Variants in SORCS1 observed in about 807,000 individuals in gnomAD.
SORCS1 encodes VPS10 domain-containing receptor SorCS1.
SORCS1 carries 60 observed loss-of-function variants against 146.1 expected under a neutral mutation model. The ratio of observed to expected loss-of-function variants is 0.41; its 90% CI spans 0.33 to 0.51. SORCS1 has a LOEUF of 0.51. Ranked by LOEUF, SORCS1 falls within the 20% of genes least tolerant of loss-of-function variation. SORCS1 has a pLI of 0.21. For synonymous variants in SORCS1, 637 were observed against 584.0 expected (o/e 1.09, Z -1.31); for missense variants, 1,352 against 1,487.6 (o/e 0.91, Z 1.50).
chr10:106,729,381 C>T (rs1856431926), intron 6 of SORCS1, among the ~76,000 whole-genome samples: 1 of 152,086 alleles, frequency 6.6e-6, no homozygotes, highest in East Asian at 1.9e-4. Flanking sequence ...GTGAGCAATT[C>T]ACTCAACTGA....
chr10:107,164,274 G>T lies in SORCS1; in HGVS notation c.253C>A (p.Arg85=). 1 of 1,599,500 alleles carries T rather than the reference G, an allele frequency of 6.3e-7. No individual in the cohort carries two copies. ...RPLFSVAPGD[R]ALSLERARGT... ...CGAGCCCGCTCCAGGGATAGCGCTC[G>T]GTCCCCGGGGGCCACTGAGAACAGG... is the stretch of plus-strand genomic sequence containing the variant. The change falls in exon 1 of 26, where the codon CGA becomes AGA. Residue 85 remains arginine, a synonymous_variant. Coordinates refer to ENST00000263054, the MANE Select transcript of SORCS1 (RefSeq NM_052918.5). This position sits in a 1 kb window ranked among gnomAD's most constrained non-coding sequence, Gnocchi z 6.8.
At chr10:106,613,554 T>C (rs1847152107) in intron 21 of SORCS1, among the ~76,000 whole-genome samples, 1 of 152,170 alleles carries the variant, frequency 6.6e-6, no homozygotes. Flanking sequence ...AGCTTGGTGA[T>C]AAGCTTCAGA....
intron 1 of SORCS1, among the ~76,000 whole-genome samples, chr10:107,066,792 T>A (rs1303530849): frequency 6.6e-6 from 1 of 152,204 alleles, no homozygotes; most frequent in Non-Finnish European, 1.5e-5. Flanking sequence ...TTCCCAACCA[T>A]ATAAATGGAA....
intron 6 of SORCS1, among the ~76,000 whole-genome samples, chr10:106,716,006 C>T (rs542289615): frequency 9.9e-4 from 151 of 152,306 alleles, no homozygotes; most frequent in Non-Finnish European, 2.0e-3. Context: ...CTGCCTCAGC[C>T]TCCCAAAGTG....
intron 17 of SORCS1, among the ~76,000 whole-genome samples, chr10:106,663,483 T>G (rs1456692578): frequency 1.3e-5 from 2 of 152,248 alleles, no homozygotes; most frequent in Non-Finnish European, 2.9e-5. Context: ...CATACACATT[T>G]ATTTTGTAAC....
chr10:106,942,813 T>C lies in SORCS1; in HGVS notation c.626+13700A>G, dbSNP rs535601076. Among the ~76,000 whole-genome samples the C allele has an allele frequency of 6.6e-4, 100 of 152,326 alleles. 1 individual carries two copies. Among genetic ancestry groups the C allele is most frequent in the African/African-American group, 2.3e-3 (94 of 41,570 alleles). On this transcript the variant is annotated intron_variant, in intron 2 of 25. Coordinates refer to ENST00000263054, the MANE Select transcript of SORCS1 (RefSeq NM_052918.5). The stretch of plus-strand genomic sequence containing the variant: ...CACTCAATTCTCTATCAGTTCTCTA[T>C]CAGTTCTATTCTCCACTAATTTTTC...
chr10:106,597,443 T>A lies in SORCS1; in HGVS notation c.3173A>T (p.Glu1058Val). The A allele has an allele frequency of 6.2e-7, 1 of 1,613,410 alleles. No homozygotes were observed. Among genetic ancestry groups the A allele is most frequent in the Non-Finnish European group, 8.5e-7 (1 of 1,179,490 alleles). The change falls in exon 24 of 26, where the codon GAA becomes GTA. Residue 1058 changes from glutamate (E) to valine (V), a missense_variant. By Grantham distance (121) the Glu-to-Val change is moderately radical (BLOSUM62 -2). Coordinates refer to ENST00000263054, the MANE Select transcript of SORCS1 (RefSeq NM_052918.5). ...TTGGTTGAGCGTGTGGATCAGCAAT[T>A]CTGATATCTGAAAAAAGAAGCATAG... ...RSTDDLEQIS[E>V]LLIHTLNQNS... is the part of the protein sequence containing the mutation.
intron 18 of SORCS1, among the ~76,000 whole-genome samples, chr10:106,649,002 A>G (rs1849661893): frequency 1.3e-5 from 2 of 152,078 alleles, no homozygotes; most frequent in Admixed American, 1.3e-4. Context: ...TAGCTGGGGC[A>G]CTGAGTGGCC....
intron 1 of SORCS1, among the ~76,000 whole-genome samples, chr10:107,161,456 G>A (rs1271056922): frequency 1.3e-5 from 2 of 152,258 alleles, no homozygotes; most frequent in South Asian, 2.1e-4. Context: ...CCACCCTGGG[G>A]TAAAGTGAAG....
chr10:106,825,258 T>C (rs1358339879), intron 3 of SORCS1, among the ~76,000 whole-genome samples: 2 of 148,644 alleles, frequency 1.3e-5, no homozygotes, highest in Non-Finnish European at 3.0e-5. Context: ...AGAGTGAAAT[T>C]GAGATTTCAA....
chr10:106,947,392 G>A (rs1477828213), intron 2 of SORCS1, among the ~76,000 whole-genome samples: 3 of 151,948 alleles, frequency 2.0e-5, no homozygotes, highest in Admixed American at 1.3e-4. Context: ...AACAACTCTT[G>A]ACGAAATGAA....
intron 3 of SORCS1, among the ~76,000 whole-genome samples, chr10:106,807,754 C>T (rs1947259325): frequency 6.6e-6 from 1 of 152,250 alleles, no homozygotes; most frequent in African/African-American, 2.4e-5. Context: ...AGCTAAGCTC[C>T]AACTATGTTT....
chr10:106,603,385 C>T (rs777617260), intron 23 of SORCS1, among the ~76,000 whole-genome samples: 22 of 152,328 alleles, frequency 1.4e-4, no homozygotes, highest in Non-Finnish European at 7.3e-5. Context: ...AGAGGTCACT[C>T]GATTAACCCA....
intron 19 of SORCS1, among the ~76,000 whole-genome samples, chr10:106,621,855 G>C (rs1847768261): frequency 6.6e-6 from 1 of 152,080 alleles, no homozygotes; most frequent in Non-Finnish European, 1.5e-5. Context: ...CATACTCTAA[G>C]CACGTTCTCA....
chr10:106,701,635 C>G (rs1006645935), intron 8 of SORCS1, among the ~76,000 whole-genome samples: 4 of 152,146 alleles, frequency 2.6e-5, no homozygotes, highest in African/African-American at 9.7e-5. Flanking sequence ...TTTTTTTGGT[C>G]CCTAAATGTG....
chr10:106,788,175 C>T (rs145686938), intron 3 of SORCS1, among the ~76,000 whole-genome samples: 263 of 152,252 alleles, frequency 1.7e-3, no homozygotes, highest in Non-Finnish European at 3.0e-3. Context: ...ATCATGAGAA[C>T]AGCATGAGGG....
chr10:106,606,272 T>TACACACACAC (rs1278722607), intron 23 of SORCS1, among the ~76,000 whole-genome samples: 59 of 107,842 alleles, frequency 5.5e-4, no homozygotes, highest in African/African-American at 1.2e-3. Context: ...CACACACAGA[T>TACACACACAC]ATACACACAC....
chr10:107,001,424 T>C (rs184698879), intron 1 of SORCS1, among the ~76,000 whole-genome samples: 87 of 152,282 alleles, frequency 5.7e-4, no homozygotes, highest in Non-Finnish European at 1.1e-3. Flanking sequence ...TGAAGAAGCC[T>C]GGTAGAAGGC....
chr10:107,065,565 TAG>T (rs1961762088), intron 1 of SORCS1, among the ~76,000 whole-genome samples: 1 of 145,212 alleles, frequency 6.9e-6, no homozygotes. Flanking sequence ...TCACCCAGGC[TAG>T]AGTGCAGTGG....
Sources: gnomAD v4.1 joint callset for allele counts (sites outside exome capture counted in the v4.1 genomes callset) on GRCh38, gnomAD v4.1.1 for gene constraint, Gnocchi (gnomAD v3.1) non-coding constraint, MANE v1.5 for transcripts, NCBI Gene and HGNC (gene_info 2026-07-23, HGNC 2026-07-21) for gene names.